The following IGF2BP2 variants were observed in gnomAD, a reference collection of about 807,000 sequenced individuals.
The protein encoded by IGF2BP2 is insulin like growth factor 2 mRNA binding protein 2.
A neutral mutation model predicts 75.8 loss-of-function variants in IGF2BP2; 17 were observed. The observed-to-expected ratio is 0.22, with a 90% CI of 0.15 to 0.34. The LOEUF is 0.34. IGF2BP2 is among the 10% of genes least tolerant of loss of function. The pLI, the probability that IGF2BP2 is intolerant of heterozygous loss-of-function variation, is 1.00. For missense variants in IGF2BP2, 516 were observed against 772.4 expected (o/e 0.67, Z 3.93); for synonymous variants, 288 against 295.6 (o/e 0.97, Z 0.26).
At chr3:185,666,731 T>G (rs1717696031) in intron 10 of IGF2BP2, among the ~76,000 whole-genome samples, 1 of 152,138 alleles carries the variant, frequency 6.6e-6, no homozygotes, top group African/African-American at 2.4e-5. Context: ...TTGTATCACT[T>G]TATATCAATA....
intron 10 of IGF2BP2, among the ~76,000 whole-genome samples, chr3:185,661,951 C>G (rs997452525): frequency 3.9e-5 from 6 of 151,986 alleles, no homozygotes; most frequent in African/African-American, 1.5e-4. Context: ...AGGTCCAGAG[C>G]TAGAAAAGGG....
chr3:185,725,621 T>A (rs954499623), intron 2 of IGF2BP2, among the ~76,000 whole-genome samples: 1 of 152,142 alleles, frequency 6.6e-6, no homozygotes, highest in African/African-American at 2.4e-5. Context: ...CCATTCTAAA[T>A]ACATGGAATT....
chr3:185,809,174 GA>G (rs1483154962), intron 2 of IGF2BP2, among the ~76,000 whole-genome samples: 2 of 149,006 alleles, frequency 1.3e-5, no homozygotes, highest in African/African-American at 4.9e-5. Flanking sequence ...ATTTTTAATG[GA>G]ATTTGACTTT....
chr3:185,652,134 C>A lies in IGF2BP2; in HGVS notation c.1421G>T (p.Arg474Met). 6.2e-7 allele frequency: 1 copy of A among 1,613,196 alleles called. No individual in the cohort carries two copies. Among genetic ancestry groups the A allele is most frequent in the Non-Finnish European group, 8.5e-7 (1 of 1,179,406 alleles). Residue 474 changes from arginine to methionine, a missense_variant, in exon 13 of 16, where the codon AGG becomes ATG. By Grantham distance (91) the Arg-to-Met change is moderately conservative. Coordinates refer to ENST00000382199, the MANE Select transcript of IGF2BP2 (RefSeq NM_006548.6). ...CGGTGGCCCGGTGATGATGACCATC[C>A]TTTCGCTGACGTCTGGGCCTTCCGC... ...APAEGPDVSE[R>M]MVIITGPPEA...
chr3:185,645,395 G>C lies in IGF2BP2; in HGVS notation c.*136C>G, dbSNP rs1374104468. On this transcript the variant is annotated 3_prime_UTR_variant, in exon 16 of 16. Transcript: ENST00000382199. This position sits in a 1 kb window ranked among gnomAD's most constrained non-coding sequence, Gnocchi z 4.9. ...TTCTCAGGGCCTCGGCAGAGTCCCT[G>C]GCCGCCTCCGCAGACTTCTCATTCC... is the stretch of plus-strand genomic sequence containing the variant. 2 of 654,702 alleles carry C rather than the reference G, an allele frequency of 3.1e-6. No homozygotes were observed. The highest frequency in any genetic ancestry group is 5.4e-6 in the Non-Finnish European group (2 of 368,390). The allele number at this position is 654,702 out of a possible 1,614,324, so 40.6% of individuals were successfully genotyped here.
At position 185,645,642 on chromosome 3, in the gene IGF2BP2, G is replaced by A. The variant is rs1466314893; in HGVS notation, c.1708-19C>T. 1 of 1,596,726 alleles carries A rather than the reference G, an allele frequency of 6.3e-7. No homozygotes were observed. The highest frequency in any genetic ancestry group is 2.2e-5 in the East Asian group (1 of 44,808). ...GTGCAGTCTGCAGCAAGGGAGAGAAGGGAGAGGAAGGGACAGGGGAAAAAA... is the reference window on the plus strand; with the variant it reads ...GTGCAGTCTGCAGCAAGGGAGAGAAAGGAGAGGAAGGGACAGGGGAAAAAA... On this transcript the variant is annotated intron_variant, in intron 15 of 15. Coordinates refer to ENST00000382199, the MANE Select transcript of IGF2BP2 (RefSeq NM_006548.6). The surrounding 1 kb of genome is among the most constrained non-coding windows in gnomAD (Gnocchi z 4.9).
intron 7 of IGF2BP2, among the ~76,000 whole-genome samples, chr3:185,677,889 A>G (rs984985698): frequency 6.6e-6 from 1 of 152,210 alleles, no homozygotes; most frequent in African/African-American, 2.4e-5. Flanking sequence ...ATTTGAATGT[A>G]GATCATTTGA....
In IGF2BP2 at chr3:185,643,393, G is replaced by A. The variant is rs373021489; in HGVS notation, c.*2138C>T. On this transcript the variant is annotated 3_prime_UTR_variant, in exon 16 of 16. Coordinates refer to ENST00000382199, the MANE Select transcript of IGF2BP2 (RefSeq NM_006548.6). ...GCAGTCGATCCATCCCTCTAGCTCCGAGGTTCGGAAACTTCAGTGCGCACA... is the reference window on the plus strand; with the variant it reads ...GCAGTCGATCCATCCCTCTAGCTCCAAGGTTCGGAAACTTCAGTGCGCACA... Among the ~76,000 whole-genome samples the A allele has an allele frequency of 1.7e-4, 26 of 152,186 alleles. No individual in the cohort carries two copies. The highest frequency in any genetic ancestry group is 5.5e-4 in the African/African-American group (23 of 41,456).
chr3:185,771,589 G>GTTAA (rs1733886792), intron 2 of IGF2BP2, among the ~76,000 whole-genome samples: 1 of 152,096 alleles, frequency 6.6e-6, no homozygotes, highest in Non-Finnish European at 1.5e-5. Flanking sequence ...ATTTGCTTAA[G>GTTAA]GAGGTAAACT....
Position 185,714,133 on chromosome 3 carries a change from C to T in IGF2BP2, c.240-15786G>A, listed in dbSNP as rs142605381. 3.8e-3 allele frequency among the ~76,000 whole-genome samples: 571 copies of T among 152,158 alleles called. 4 individuals are homozygous for T. The highest frequency in any genetic ancestry group is 0.013 in the African/African-American group (547 of 41,534). On this transcript the variant is annotated intron_variant, in intron 2 of 15. Coordinates refer to ENST00000382199, the MANE Select transcript of IGF2BP2 (RefSeq NM_006548.6). ...TTTTTAAAAATCCTTCCCGTGTAGT[C>T]TATACATAAGCATATATGAATACAT...
intron 2 of IGF2BP2, among the ~76,000 whole-genome samples, chr3:185,738,517 T>C (rs890213988): frequency 2.6e-5 from 4 of 152,176 alleles, no homozygotes; most frequent in Non-Finnish European, 4.4e-5. Flanking sequence ...GAGCAAGTCT[T>C]AACCAGAGAG....
intron 2 of IGF2BP2, among the ~76,000 whole-genome samples, chr3:185,745,167 G>A (rs1352517935): frequency 2.6e-5 from 4 of 152,104 alleles, no homozygotes; most frequent in African/African-American, 9.7e-5. Flanking sequence ...CAGATTAAAG[G>A]GAAAAACTGT....
intron 2 of IGF2BP2, among the ~76,000 whole-genome samples, chr3:185,740,135 A>C (rs1009243055): frequency 2.6e-5 from 4 of 152,256 alleles, no homozygotes; most frequent in African/African-American, 9.6e-5. Context: ...GGTGTGAGCC[A>C]CCATACCCGG....
At chr3:185,705,331 G>A (rs979434314) in intron 2 of IGF2BP2, among the ~76,000 whole-genome samples, 2 of 152,108 alleles carry the variant, frequency 1.3e-5, no homozygotes, top group South Asian at 2.1e-4. Flanking sequence ...TCCTGACCTC[G>A]TGATCCGCCT....
chr3:185,739,573 C>T (rs939996761), intron 2 of IGF2BP2, among the ~76,000 whole-genome samples: 1 of 152,126 alleles, frequency 6.6e-6, no homozygotes, highest in Non-Finnish European at 1.5e-5. Context: ...TGGCCAGGAG[C>T]AGACACACTG....
intron 2 of IGF2BP2, chr3:185,820,971 T>A (rs1310795745): frequency 6.6e-7 from 1 of 1,525,488 alleles, no homozygotes; most frequent in Non-Finnish European, 8.8e-7. Context: ...CAAAATAGTC[T>A]CCATATAACA....
chr3:185,691,474 T>G (rs1349266432), intron 5 of IGF2BP2, among the ~76,000 whole-genome samples: 2 of 152,206 alleles, frequency 1.3e-5, no homozygotes, highest in African/African-American at 4.8e-5. Flanking sequence ...TATCTTTGTA[T>G]GTTGAAAAAG....
At chr3:185,651,619 ATG>A (rs981280424) in intron 13 of IGF2BP2, among the ~76,000 whole-genome samples, 7 of 152,214 alleles carry the variant, frequency 4.6e-5, no homozygotes, top group Non-Finnish European at 8.8e-5. Context: ...ATAAATAAAT[ATG>A]TGTTTCTCAC....
At chr3:185,684,788 C>T (rs62289077) in intron 7 of IGF2BP2, among the ~76,000 whole-genome samples, 19,536 of 151,712 alleles carry the variant, frequency 0.13, 1,500 homozygotes, top group African/African-American at 0.21. Context: ...GTCTCTCCCA[C>T]TGGACTGCTC....
Sources: gnomAD v4.1 joint callset for allele counts (sites outside exome capture counted in the v4.1 genomes callset) on GRCh38, gnomAD v4.1.1 for gene constraint, Gnocchi (gnomAD v3.1) non-coding constraint, MANE v1.5 for transcripts, NCBI Gene and HGNC (gene_info 2026-07-23, HGNC 2026-07-21) for gene names.